TAFA4: variants seen among roughly 807,000 people sequenced by gnomAD.
The protein encoded by TAFA4 is TAFA chemokine like family member 4.
A neutral mutation model predicts 21.1 loss-of-function variants in TAFA4; 20 were observed. That is an observed-to-expected ratio of 0.95 (90% confidence interval 0.67 to 1.38). The LOEUF (loss-of-function observed/expected upper bound fraction) is 1.38. Among genes scored for constraint, TAFA4 ranks in the 40% most tolerant of loss-of-function variants. The probability of loss-of-function intolerance (pLI) is 0.00; values close to 1 mark genes in which losing one functional copy is unlikely to be tolerated. For synonymous variants in TAFA4, 71 were observed against 67.4 expected, an observed-to-expected ratio of 1.05 and a Z score of -0.26; for missense variants, 211 against 180.9, an observed-to-expected ratio of 1.17 and a Z score of -0.95.
At chr3:68,752,577 G>C (rs975032386) in intron 4 of TAFA4, among the ~76,000 whole-genome samples, 2 of 152,162 alleles carry the variant, frequency 1.3e-5, no homozygotes, top group Non-Finnish European at 2.9e-5. Context: ...GGAAACAATT[G>C]CTTTGGTGAG....
At chr3:68,767,056 T>G (rs1427889162) in intron 3 of TAFA4, among the ~76,000 whole-genome samples, 1 of 152,172 alleles carries the variant, frequency 6.6e-6, no homozygotes, top group Non-Finnish European at 1.5e-5. Context: ...TTTTTTTGTT[T>G]TGAATATTTT....
At chr3:68,894,105 A>G (rs187446035) in intron 1 of TAFA4, among the ~76,000 whole-genome samples, 15 of 152,224 alleles carry the variant, frequency 9.9e-5, no homozygotes, top group Non-Finnish European at 2.1e-4. Flanking sequence ...TACACATAAT[A>G]AATGCAGGCT....
intron 3 of TAFA4, among the ~76,000 whole-genome samples, chr3:68,868,883 G>C (rs148377945): frequency 2.6e-3 from 388 of 151,898 alleles, no homozygotes; most frequent in African/African-American, 8.7e-3. Flanking sequence ...AATAATACCA[G>C]AGCAGAAATA....
intron 3 of TAFA4, among the ~76,000 whole-genome samples, chr3:68,815,875 T>C (rs1344847750): frequency 6.6e-6 from 1 of 152,224 alleles, no homozygotes; most frequent in South Asian, 2.1e-4. Flanking sequence ...CATATGTTTA[T>C]TGTGGCACTA....
chr3:68,791,953 T>C (rs1239300062), intron 3 of TAFA4, among the ~76,000 whole-genome samples: 3 of 152,208 alleles, frequency 2.0e-5, no homozygotes, highest in African/African-American at 7.2e-5. Context: ...CTCTCAGGCA[T>C]ACTCCTGTAC....
chr3:68,870,632 C>G (rs2106936218), intron 3 of TAFA4, among the ~76,000 whole-genome samples: 1 of 152,086 alleles, frequency 6.6e-6, no homozygotes, highest in South Asian at 2.1e-4. Context: ...AGGTTTGTTA[C>G]ATAGGTATAC....
intron 3 of TAFA4, among the ~76,000 whole-genome samples, chr3:68,754,864 G>C (rs1475276288): frequency 1.3e-5 from 2 of 152,162 alleles, no homozygotes; most frequent in Non-Finnish European, 2.9e-5. Context: ...CTAGGCAGGA[G>C]GAGCTGTGTC....
intron 3 of TAFA4, among the ~76,000 whole-genome samples, chr3:68,799,644 GGAAGAAGGCAATGT>G (rs1168818109): frequency 6.6e-6 from 1 of 152,140 alleles, no homozygotes; most frequent in East Asian, 1.9e-4. Flanking sequence ...GGATCAGTCA[GGAAGAAGGCAATGT>G]GACAAAGGAA....
chr3:68,907,062 G>A (rs940619683), intron 1 of TAFA4, among the ~76,000 whole-genome samples: 1 of 150,550 alleles, frequency 6.6e-6, no homozygotes, highest in Non-Finnish European at 1.5e-5. Context: ...AAAAAGCCAG[G>A]GGTGGAAGGG....
intron 3 of TAFA4, among the ~76,000 whole-genome samples, chr3:68,869,332 G>T (rs1338583959): frequency 6.6e-6 from 1 of 151,514 alleles, no homozygotes; most frequent in Non-Finnish European, 1.5e-5. Context: ...AAAAAATGAA[G>T]AAGAGGTAAT....
intron 3 of TAFA4, among the ~76,000 whole-genome samples, chr3:68,783,037 T>C (rs1162971455): frequency 1.3e-5 from 2 of 152,234 alleles, no homozygotes; most frequent in Non-Finnish European, 2.9e-5. Context: ...AATATGACCA[T>C]GTCAGTAGAT....
chr3:68,874,962 C>T (rs2089529424), intron 3 of TAFA4, among the ~76,000 whole-genome samples: 1 of 152,024 alleles, frequency 6.6e-6, no homozygotes, highest in African/African-American at 2.4e-5. Context: ...AAAGCTGAGC[C>T]CATCAAGATG....
At chr3:68,872,313 T>C (rs541315458) in intron 3 of TAFA4, among the ~76,000 whole-genome samples, 7 of 152,172 alleles carry the variant, frequency 4.6e-5, no homozygotes, top group Non-Finnish European at 7.4e-5. Flanking sequence ...ACAGAATAAA[T>C]ACTGCATGCT....
chr3:68,793,843 A>T (rs900642065), intron 3 of TAFA4, among the ~76,000 whole-genome samples: 1 of 152,132 alleles, frequency 6.6e-6, no homozygotes, highest in Non-Finnish European at 1.5e-5. Context: ...CCATCCCTTT[A>T]CCTGCCGGTC....
chr3:68,804,253 C>A (rs190734854), intron 3 of TAFA4, among the ~76,000 whole-genome samples: 321 of 152,164 alleles, frequency 2.1e-3, no homozygotes, highest in Non-Finnish European at 2.9e-3. Flanking sequence ...TAAAAGGTAT[C>A]AGTTACACAT....
At chr3:68,835,593 T>A (rs1258631830) in intron 3 of TAFA4, among the ~76,000 whole-genome samples, 1 of 152,232 alleles carries the variant, frequency 6.6e-6, no homozygotes, top group African/African-American at 2.4e-5. Flanking sequence ...GTTGCTCAAG[T>A]GGAGCAGAGA....
intron 3 of TAFA4, among the ~76,000 whole-genome samples, chr3:68,767,702 A>G (rs996766888): frequency 6.6e-6 from 1 of 152,032 alleles, no homozygotes; most frequent in Non-Finnish European, 1.5e-5. Flanking sequence ...CTGATTATAT[A>G]TTTCAAAATC....
intron 3 of TAFA4, among the ~76,000 whole-genome samples, chr3:68,841,696 AC>A (rs1559539921): frequency 6.7e-6 from 1 of 149,018 alleles, no homozygotes; most frequent in Non-Finnish European, 1.5e-5. Flanking sequence ...TCCCTCCCCT[AC>A]CCCCCAACCC....
intron 5 of TAFA4, among the ~76,000 whole-genome samples, chr3:68,735,510 C>CCAGACTTACTACACCAGA (rs1702223985): frequency 6.6e-6 from 1 of 152,016 alleles, no homozygotes; most frequent in African/African-American, 2.4e-5. Flanking sequence ...AAGCCCTATC[C>CCAGACTTACTACACCAGA]CAGACTTACT....
Sources: allele counts gnomAD v4.1 joint callset (sites outside exome capture counted in the v4.1 genomes callset), GRCh38; gene constraint gnomAD v4.1.1; transcripts MANE v1.5; gene names NCBI Gene and HGNC (gene_info 2026-07-23, HGNC 2026-07-21).